DYNLT5: variants seen among roughly 807,000 people sequenced by gnomAD.
DYNLT5 encodes dynein light chain Tctex-type 5.
DYNLT5 carries 25 observed loss-of-function variants against 19.3 expected under a neutral mutation model. That is an observed-to-expected ratio of 1.30 (90% CI 0.95 to 1.81). DYNLT5 has a LOEUF of 1.81. DYNLT5 is among the 40% of genes most tolerant of loss of function. The probability of loss-of-function intolerance (pLI) is 0.00; values close to 1 mark genes in which losing one functional copy is unlikely to be tolerated. For missense variants in DYNLT5, 232 were observed against 217.9 expected (o/e 1.06, Z -0.41); for synonymous variants, 82 against 68.9 (o/e 1.19, Z -0.94).
intron 2 of DYNLT5, among the ~76,000 whole-genome samples, chr1:66,767,339 C>G (rs2150864849): frequency 6.6e-6 from 1 of 152,268 alleles, no homozygotes; most frequent in Non-Finnish European, 1.5e-5. Context: ...ACTGCAACCT[C>G]TACCTTCCTT....
At chr1:66,762,711 G>A (rs1350051675) in intron 2 of DYNLT5, among the ~76,000 whole-genome samples, 2 of 152,180 alleles carry the variant, frequency 1.3e-5, no homozygotes, top group Admixed American at 6.5e-5. Flanking sequence ...GATTTATGGG[G>A]TGAAAAGAAG....
intron 2 of DYNLT5, among the ~76,000 whole-genome samples, chr1:66,762,364 AC>A (rs1324366288): frequency 6.6e-6 from 1 of 152,156 alleles, no homozygotes; most frequent in Non-Finnish European, 1.5e-5. Flanking sequence ...ATCTATGGTC[AC>A]CCTACAGTGG....
rs1645241272 is a variant in DYNLT5, at chr1:66,777,185, C to G, written c.337-66C>G. The G allele has an allele frequency of 1.3e-5, 17 of 1,337,472 alleles. No individual in the cohort carries two copies. The Middle Eastern group carries it at 1.9e-3, about 146-fold the overall frequency. The allele number at this position is 1,337,472 out of a possible 1,614,324, so 82.9% of individuals were successfully genotyped here. On this transcript the variant is annotated intron_variant, in intron 4 of 4. Coordinates refer to ENST00000282670, the MANE Select transcript of DYNLT5 (RefSeq NM_152665.3). Reference sequence around the variant, plus strand: ...TAAATTAAATCCCTTATATTTATAACAAAGGTTAATGCTTTTGAGTTTCAA... The same window carrying G: ...TAAATTAAATCCCTTATATTTATAAGAAAGGTTAATGCTTTTGAGTTTCAA...
chr1:66,770,314 G>T (rs1645196641), intron 2 of DYNLT5, 73 bp from the exon 3 acceptor site: 5 of 1,003,618 alleles, frequency 5.0e-6, no homozygotes, highest in East Asian at 2.4e-5. Flanking sequence ...TAACATTTTA[G>T]CTTAAAGCAA....
At chr1:66,756,739 A>G (rs2094636647) in intron 2 of DYNLT5, among the ~76,000 whole-genome samples, 1 of 152,122 alleles carries the variant, frequency 6.6e-6, no homozygotes, top group Non-Finnish European at 1.5e-5. Flanking sequence ...TGACTATGAG[A>G]TACAAAGTCC....
intron 3 of DYNLT5, chr1:66,770,783 T>G (rs1323448918): frequency 2.5e-6 from 1 of 406,110 alleles, no homozygotes; most frequent in Non-Finnish European, 4.6e-6. Flanking sequence ...AGATATGACT[T>G]AAATGAAAGA....
At chr1:66,777,207 T>G in intron 4 of DYNLT5, 44 bp from the exon 5 acceptor site, 1 of 1,522,152 alleles carries the variant, frequency 6.6e-7, no homozygotes, top group Non-Finnish European at 9.0e-7. Context: ...CTTTTGAGTT[T>G]CAATGTAGCT....
intron 1 of DYNLT5, among the ~76,000 whole-genome samples, chr1:66,753,286 C>CT (rs1275365348): frequency 6.6e-6 from 1 of 152,200 alleles, no homozygotes; most frequent in Non-Finnish European, 1.5e-5. Flanking sequence ...CATGGATTCT[C>CT]TTCTATTTTT....
At chr1:66,754,843 G>GAA in intron 2 of DYNLT5, 66 bp downstream of exon 2, 1 of 1,474,368 alleles carries the variant, frequency 6.8e-7, no homozygotes, top group Non-Finnish European at 9.0e-7. Context: ...TTTATTAGGA[G>GAA]AAAAAAACAC....
chr1:66,754,191 G>C (rs1337693154), intron 1 of DYNLT5, among the ~76,000 whole-genome samples: 1 of 152,190 alleles, frequency 6.6e-6, no homozygotes, highest in Non-Finnish European at 1.5e-5. Context: ...AGTGAGCCAT[G>C]ATCATGCCAC....
At chr1:66,776,120 C>A in intron 3 of DYNLT5, 159 bp from the exon 4 acceptor site, 1 of 887,464 alleles carries the variant, frequency 1.1e-6, no homozygotes, top group Non-Finnish European at 1.6e-6. Context: ...TCTCAGAGCA[C>A]TTGACAGGAA....
At chr1:66,752,894 C>T (rs1437590101) in intron 1 of DYNLT5, among the ~76,000 whole-genome samples, 1 of 152,196 alleles carries the variant, frequency 6.6e-6, no homozygotes, top group Non-Finnish European at 1.5e-5. Context: ...CCATGAGGAC[C>T]TCCAGGTCCC....
chr1:66,769,925 A>C (rs1645193869), intron 2 of DYNLT5, among the ~76,000 whole-genome samples: 2 of 152,296 alleles, frequency 1.3e-5, no homozygotes, highest in Non-Finnish European at 2.9e-5. Flanking sequence ...TACATATAAT[A>C]GTGAACTCTT....
Position 66,778,071 on chromosome 1 carries a change from T to C in DYNLT5, c.*617T>C, listed in dbSNP as rs1230379078. ...AAACTAGAAGCTCTTGTGGCTTGCCTGCACTTTACACAATTGTGGGAGAAC... is the reference window on the plus strand; with the variant it reads ...AAACTAGAAGCTCTTGTGGCTTGCCCGCACTTTACACAATTGTGGGAGAAC... On this transcript the variant is annotated 3_prime_UTR_variant, in exon 5 of 5. Transcript: ENST00000282670. 1 of 152,676 alleles carries C rather than the reference T, an allele frequency of 6.5e-6. No individual in the cohort carries two copies. The highest frequency in any genetic ancestry group is 6.5e-5 in the Admixed American group (1 of 15,280). The allele number at this position is 152,676 out of a possible 1,614,324, so 9.5% of individuals were successfully genotyped here.
At chr1:66,765,197 T>A (rs1198386718) in intron 2 of DYNLT5, among the ~76,000 whole-genome samples, 1 of 152,176 alleles carries the variant, frequency 6.6e-6, no homozygotes, top group Non-Finnish European at 1.5e-5. Context: ...AGGCAGCACA[T>A]GATTTAATAA....
At chr1:66,753,967 G>T (rs1215118397) in intron 1 of DYNLT5, among the ~76,000 whole-genome samples, 4 of 151,224 alleles carry the variant, frequency 2.6e-5, no homozygotes, top group Non-Finnish European at 5.9e-5. Flanking sequence ...AATAAAATAG[G>T]CCAGGTAGAG....
intron 3 of DYNLT5, 189 bp from the exon 4 acceptor site, chr1:66,776,090 A>G (rs907975662): frequency 6.5e-6 from 4 of 613,192 alleles, no homozygotes; most frequent in Non-Finnish European, 1.0e-5. Flanking sequence ...AATGTACGAA[A>G]ATATTGTCTT....
At chr1:66,774,353 C>A (rs1395395256) in intron 3 of DYNLT5, among the ~76,000 whole-genome samples, 1 of 152,136 alleles carries the variant, frequency 6.6e-6, no homozygotes, top group African/African-American at 2.4e-5. Flanking sequence ...GGTTAATCAA[C>A]CATGCCCTAG....
At chr1:66,754,615 G>A (rs373865633) in intron 1 of DYNLT5, 41 bp from the exon 2 acceptor site, 141 of 1,556,702 alleles carry the variant, frequency 9.1e-5, no homozygotes, top group African/African-American at 1.4e-4. Context: ...AAATGTTTCC[G>A]GATCTTTCTT....
Sources: allele counts gnomAD v4.1 joint callset (sites outside exome capture counted in the v4.1 genomes callset), GRCh38; gene constraint gnomAD v4.1.1; transcripts MANE v1.5; gene names NCBI Gene and HGNC (gene_info 2026-07-23, HGNC 2026-07-21).